Variants in MSI2 observed in about 807,000 individuals in gnomAD.
The protein encoded by MSI2 is RNA-binding protein Musashi homolog 2.
MSI2 carries 17 observed loss-of-function variants against 45.6 expected under a neutral mutation model. The observed-to-expected ratio is 0.37, with a 90% confidence interval of 0.26 to 0.56. MSI2 has a LOEUF of 0.56. MSI2 is among the 20% of genes least tolerant of loss of function. The pLI is 0.77. For synonymous variants in MSI2, 156 were observed against 158.2 expected, an observed-to-expected ratio of 0.99 and a Z score of 0.11; for missense variants, 293 against 444.2, an observed-to-expected ratio of 0.66 and a Z score of 3.06.
chr17:57,480,418 T>G (rs277069), intron 6 of MSI2, among the ~76,000 whole-genome samples: 60,706 of 152,078 alleles, frequency 0.4, 14,056 homozygotes, highest in South Asian at 0.63. Context: ...TCTTAATATT[T>G]CTTAGGCCAA....
At chr17:57,647,658 T>C (rs117789313) in intron 10 of MSI2, among the ~76,000 whole-genome samples, 1,705 of 151,714 alleles carry the variant, frequency 0.011, 30 homozygotes, top group African/African-American at 0.038. Flanking sequence ...TTTTTTTTTT[T>C]CTTCGAGACA....
chr17:57,356,523 C>T (rs1311229529), intron 5 of MSI2, among the ~76,000 whole-genome samples: 4 of 152,164 alleles, frequency 2.6e-5, no homozygotes, highest in Non-Finnish European at 4.4e-5. Context: ...GATCCCCCCT[C>T]CCCCAAAGAC....
At chr17:57,440,278 G>A (rs1035867343) in intron 6 of MSI2, among the ~76,000 whole-genome samples, 4 of 152,134 alleles carry the variant, frequency 2.6e-5, no homozygotes, top group South Asian at 2.1e-4. Flanking sequence ...ACAGGAAGCC[G>A]TGCCCCTCAT....
intron 6 of MSI2, among the ~76,000 whole-genome samples, chr17:57,463,142 C>T (rs1312333490): frequency 6.6e-6 from 1 of 152,192 alleles, no homozygotes. Context: ...TCTGCCCTCT[C>T]CCTTCTGCTA....
chr17:57,529,731 T>C lies in MSI2; in HGVS notation c.454+7T>C, dbSNP rs745488964. 2 of 1,612,224 alleles carry C rather than the reference T, an allele frequency of 1.2e-6. No homozygotes were observed. Among genetic ancestry groups the C allele is most frequent in the East Asian group, 2.2e-5 (1 of 44,830 alleles). ...ACTACCAACAGGCACAGAGGTAAGA[T>C]TACCCCAGTGTAAGAGGGTTGCGTT... On this transcript the variant is annotated splice_region_variant and intron_variant, in intron 7 of 13. Transcript: ENST00000284073. This position sits in a 1 kb window ranked among gnomAD's most constrained non-coding sequence, Gnocchi z 5.3.
intron 5 of MSI2, among the ~76,000 whole-genome samples, chr17:57,398,375 T>A (rs79303695): frequency 2.0e-5 from 3 of 152,312 alleles, no homozygotes; most frequent in Admixed American, 2.0e-4. Context: ...ATCACGTTAG[T>A]GTTTCTTTAC....
intron 6 of MSI2, among the ~76,000 whole-genome samples, chr17:57,528,293 A>G (rs962633080): frequency 6.6e-6 from 1 of 152,190 alleles, no homozygotes. Flanking sequence ...TACTCATAAA[A>G]GGAGTGCATT....
At chr17:57,296,542 G>A (rs1598086725) in intron 5 of MSI2, among the ~76,000 whole-genome samples, 1 of 152,138 alleles carries the variant, frequency 6.6e-6, no homozygotes. Context: ...GAAGGATTAA[G>A]TCTTTGCCCA....
At chr17:57,431,990 C>T (rs560759485) in intron 6 of MSI2, among the ~76,000 whole-genome samples, 21 of 152,330 alleles carry the variant, frequency 1.4e-4, no homozygotes, top group African/African-American at 4.6e-4. Flanking sequence ...TGTCCCTTTG[C>T]AGCACAAATG....
At chr17:57,473,294 A>G (rs1302839282) in intron 6 of MSI2, among the ~76,000 whole-genome samples, 1 of 152,192 alleles carries the variant, frequency 6.6e-6, no homozygotes, top group Admixed American at 6.5e-5. Flanking sequence ...TTTTGTCTGT[A>G]ATGCATAATA....
At chr17:57,677,720 T>A (rs1352768177) in intron 13 of MSI2, among the ~76,000 whole-genome samples, 2 of 152,252 alleles carry the variant, frequency 1.3e-5, no homozygotes, top group Non-Finnish European at 2.9e-5. Flanking sequence ...GCCAGTTTCC[T>A]AACCTTTTAA....
chr17:57,606,263 T>C (rs1279673602), intron 8 of MSI2: 2 of 152,288 alleles, frequency 1.3e-5, no homozygotes, highest in African/African-American at 4.8e-5. Flanking sequence ...CTAGGCTCCA[T>C]GTGGAGAGGG....
At chr17:57,609,673 G>T (rs926434031) in intron 8 of MSI2, among the ~76,000 whole-genome samples, 111 of 152,224 alleles carry the variant, frequency 7.3e-4, no homozygotes, top group African/African-American at 2.6e-3. Flanking sequence ...TCCTCAGACT[G>T]CCAGCCACCA....
At chr17:57,573,868 C>T (rs930245923) in intron 7 of MSI2, among the ~76,000 whole-genome samples, 2 of 152,170 alleles carry the variant, frequency 1.3e-5, no homozygotes, top group African/African-American at 4.8e-5. Context: ...ACTGGGATAA[C>T]ATTACTTGCC....
chr17:57,615,254 G>A (rs1391266279), intron 8 of MSI2, among the ~76,000 whole-genome samples: 1 of 151,426 alleles, frequency 6.6e-6, no homozygotes, highest in Admixed American at 6.6e-5. Flanking sequence ...CAGCCTCCCA[G>A]GTAGCTGGGA....
chr17:57,674,895 C>T, intron 11 of MSI2, 77 bp from the exon 12 acceptor site: 1 of 1,575,868 alleles, frequency 6.3e-7, no homozygotes, highest in Non-Finnish European at 8.6e-7. Context: ...GCCTCATACC[C>T]AGCTCTATTC....
Position 57,401,414 on chromosome 17 carries a change from G to C in MSI2, c.348G>C (p.Gly116=), listed in dbSNP as rs139155266. 5 of 1,614,196 alleles carry C rather than the reference G, an allele frequency of 3.1e-6. No homozygotes were observed. Among genetic ancestry groups the C allele is most frequent in the Non-Finnish European group, 4.2e-6 (5 of 1,180,016 alleles). The change falls in exon 6 of 14, where the codon GGG becomes GGC. Residue 116 remains glycine (G), a synonymous_variant. Transcript: ENST00000284073. ...GAACAAAGAAAATATTTGTAGGCGG[G>C]TTATCTGCGAACACAGTAGTGGAAG... ...VTRTKKIFVG[G]LSANTVVEDV... is the part of the protein sequence containing the mutation.
chr17:57,481,474 A>C (rs2085646252), intron 6 of MSI2, among the ~76,000 whole-genome samples: 1 of 152,180 alleles, frequency 6.6e-6, no homozygotes, highest in Non-Finnish European at 1.5e-5. Context: ...CACAATTGTC[A>C]CTGAAACTAT....
chr17:57,603,420 C>G (rs1302394397), intron 8 of MSI2, among the ~76,000 whole-genome samples: 1 of 152,222 alleles, frequency 6.6e-6, no homozygotes, highest in Non-Finnish European at 1.5e-5. Context: ...ATTCTGTAAC[C>G]ACAGGCGAGT....
Sources: allele counts gnomAD v4.1 joint callset (sites outside exome capture counted in the v4.1 genomes callset), GRCh38; gene constraint gnomAD v4.1.1; non-coding constraint Gnocchi (gnomAD v3.1); transcripts MANE v1.5; gene names NCBI Gene and HGNC (gene_info 2026-07-23, HGNC 2026-07-21).